BDP1: variants seen among roughly 807,000 people sequenced by gnomAD.
The protein encoded by BDP1 is transcription factor TFIIIB component B'' homolog.
BDP1 carries 169 observed loss-of-function variants against 266.6 expected under a neutral mutation model. The observed-to-expected ratio is 0.63, with a 90% CI of 0.56 to 0.72. The LOEUF is 0.72. Among genes scored for constraint, BDP1 ranks in the 30% least tolerant of loss-of-function variants. BDP1 has a pLI of 0.00. For synonymous variants in BDP1, 1,090 were observed against 1,022.4 expected, an observed-to-expected ratio of 1.07 and a Z score of -1.26; for missense variants, 3,015 against 3,053.8, an observed-to-expected ratio of 0.99 and a Z score of 0.30.
chr5:71,518,342 G>C lies in BDP1; in HGVS notation c.4991+890G>C, dbSNP rs115753709. ...ACTTTGGCTTTCTGGGAAATGCAGA[G>C]GAGATGTTATTGTATCCTTTTTTAA... On this transcript the variant is annotated intron_variant, in intron 22 of 38. Transcript: ENST00000358731. Among the ~76,000 whole-genome samples the C allele has an allele frequency of 2.9e-3, 444 of 152,320 alleles. 3 individuals are homozygous for C. The highest frequency in any genetic ancestry group is 0.01 in the African/African-American group (416 of 41,580).
At position 71,522,367 on chromosome 5, in the gene BDP1, A is replaced by T. The variant is rs1313578129; in HGVS notation, c.5070A>T (p.Gly1690=). ...RKFQKAKPNL[G]RAHSKKEEPV... ...TCCAAAAGGCTAAGCCAAATTTGGG[A>T]AGAGCACACAGTAAGAAAGAGGAAC... The change falls in exon 23 of 39, where the codon GGA becomes GGT. Residue 1690 remains glycine (G), a synonymous_variant. Transcript: ENST00000358731. 6.2e-7 allele frequency: 1 copy of T among 1,613,914 alleles called. No homozygotes were observed. The highest frequency in any genetic ancestry group is 8.5e-7 in the Non-Finnish European group (1 of 1,179,964).
rs760041093 is a variant in BDP1 at position 71,497,434 on chromosome 5, G to A, written c.1956+8G>A. The A allele has an allele frequency of 6.3e-7, 1 of 1,575,644 alleles. No homozygotes were observed. The highest frequency in any genetic ancestry group is 1.2e-5 in the South Asian group (1 of 84,380). On this transcript the variant is annotated splice_region_variant and intron_variant, in intron 13 of 38. Transcript: ENST00000358731. The stretch of plus-strand genomic sequence containing the variant: ...AAAACTTCAGTTGAAAAGGTATGGG[G>A]TAAGAGATTTCATGGAAATTAAAAT...
chr5:71,535,508 A>C (rs1382627027), intron 26 of BDP1, among the ~76,000 whole-genome samples: 1 of 152,116 alleles, frequency 6.6e-6, no homozygotes, highest in Non-Finnish European at 1.5e-5. Flanking sequence ...CCCGGCCTAA[A>C]ATAAAAAAAT....
In BDP1 at chr5:71,544,537, GTT is replaced by G. The variant is rs538730461; in HGVS notation, c.6563+32_6563+33del. Reference sequence around the variant, plus strand: ...AAGAGTGAAGAGGTTCTGAGATTCAGTTTATATTGTTTCAGCTATAGCCTTAA... The same window carrying G: ...AAGAGTGAAGAGGTTCTGAGATTCAGTATATTGTTTCAGCTATAGCCTTAA... On this transcript the variant is annotated intron_variant, in intron 31 of 38. Transcript: ENST00000358731. 311 of 1,593,586 alleles carry G rather than the reference GTT, an allele frequency of 2.0e-4. 1 individual carries two copies. The South Asian group carries it at 2.9e-3, about 15-fold the overall frequency.
chr5:71,504,556 T>C (rs1267701262), intron 15 of BDP1, 65 bp from the exon 16 acceptor site: 1 of 1,414,324 alleles, frequency 7.1e-7, no homozygotes, highest in Non-Finnish European at 9.7e-7. Flanking sequence ...TTGGACATTT[T>C]CAATGAAATC....
chr5:71,460,543 A>G (rs553591630), intron 2 of BDP1, among the ~76,000 whole-genome samples: 8 of 152,302 alleles, frequency 5.3e-5, no homozygotes, highest in Admixed American at 1.3e-4. Context: ...AATTATATCA[A>G]CTATGTGAAG....
At chr5:71,469,740 A>G (rs533614768) in intron 6 of BDP1, among the ~76,000 whole-genome samples, 1 of 140,690 alleles carries the variant, frequency 7.1e-6, no homozygotes, top group Non-Finnish European at 1.5e-5. Context: ...CAGCCTCCCC[A>G]GTAGCTGGGA....
downstream of BDP1, among the ~76,000 whole-genome samples, chr5:71,570,234 T>C (rs1744222954): frequency 6.6e-6 from 1 of 152,194 alleles, no homozygotes; most frequent in Non-Finnish European, 1.5e-5. Context: ...TCAGAGTCAC[T>C]ATCTTAATAA....
chr5:71,530,840 A>G (rs1580157349), intron 25 of BDP1, among the ~76,000 whole-genome samples: 1 of 152,288 alleles, frequency 6.6e-6, no homozygotes, highest in East Asian at 1.9e-4. Context: ...CACTTTGGGA[A>G]GCCAAGGTGG....
At position 71,497,363 on chromosome 5, in the gene BDP1, TC is replaced by T; in HGVS notation, c.1894del (p.Leu632PhefsTer29). 6.2e-7 allele frequency: 1 copy of T among 1,613,762 alleles called. No individual in the cohort carries two copies. The highest frequency in any genetic ancestry group is 1.3e-5 in the African/African-American group (1 of 75,058). ...NLSRAGKKSVLSQGKTESESK... is the reference protein window; with the variant it reads ...NLSRAGKKSVXSQGKTESESK... ...TGTCAAGGGCTGGGAAGAAATCAGT[TC>T]TTTCACAAGGCAAAACAGAGTCAGA... On this transcript the variant is annotated frameshift_variant, in exon 13 of 39. Coordinates refer to ENST00000358731, the MANE Select transcript of BDP1 (RefSeq NM_018429.3). LOFTEE classifies it high-confidence loss of function.
In BDP1 at chr5:71,500,691, A is replaced by G. The variant is rs377698420; in HGVS notation, c.1957-871A>G. Among the ~76,000 whole-genome samples the G allele has an allele frequency of 2.0e-5, 3 of 151,996 alleles. No homozygotes were observed. The East Asian group carries it at 5.8e-4, about 29-fold the overall frequency. On this transcript the variant is annotated intron_variant, in intron 13 of 38. Transcript: ENST00000358731. Reference sequence around the variant, plus strand: ...CCAATCTTTTCACATATCTCCTTACAGATTTTCTTTTACACAACTGAATCA... The same window carrying G: ...CCAATCTTTTCACATATCTCCTTACGGATTTTCTTTTACACAACTGAATCA...
At chr5:71,483,465 T>G (rs1718173623) in intron 7 of BDP1, among the ~76,000 whole-genome samples, 1 of 152,242 alleles carries the variant, frequency 6.6e-6, no homozygotes, top group Non-Finnish European at 1.5e-5. Context: ...CCATGCTACT[T>G]GAAATATATT....
At position 71,477,116 on chromosome 5, in the gene BDP1, G is replaced by A. The variant is rs185244991; in HGVS notation, c.1014+6627G>A. Among the ~76,000 whole-genome samples, 13 of 151,820 alleles carry A rather than the reference G, an allele frequency of 8.6e-5. No individual in the cohort carries two copies. The East Asian group carries it at 2.5e-3, about 29-fold the overall frequency. On this transcript the variant is annotated intron_variant, in intron 7 of 38. Transcript: ENST00000358731. ...CCTACCTCAGCCTCCCAAAGTGCGG[G>A]GATTATAGGCATGAGCCACCGAGCC...
At position 71,512,232 on chromosome 5, in the gene BDP1, T is replaced by C. The variant is rs749272500; in HGVS notation, c.4060-9T>C. The C allele has an allele frequency of 7.1e-7, 1 of 1,401,696 alleles. No individual in the cohort carries two copies. The highest frequency in any genetic ancestry group is 2.7e-5 in the Admixed American group (1 of 37,234). 86.8% of individuals were successfully genotyped at this position (1,401,696 alleles called of 1,614,324 possible). A position where few individuals can be genotyped will look rare whatever the true frequency, so the allele number is the denominator to read the frequency against. ...TATTTGTGCTGATTTACTATGACTGTTCCTCTAGAACATTAGCAGTGAAGT... is the reference window on the plus strand; with the variant it reads ...TATTTGTGCTGATTTACTATGACTGCTCCTCTAGAACATTAGCAGTGAAGT... On this transcript the variant is annotated splice_polypyrimidine_tract_variant and intron_variant, in intron 17 of 38. Transcript: ENST00000358731.
At chr5:71,500,674 T>C (rs1191769446) in intron 13 of BDP1, among the ~76,000 whole-genome samples, 1 of 152,170 alleles carries the variant, frequency 6.6e-6, no homozygotes, top group African/African-American at 2.4e-5. Flanking sequence ...AACCAATCTT[T>C]TCACATATCT....
chr5:71,520,978 C>T (rs1394135595), intron 22 of BDP1, among the ~76,000 whole-genome samples: 8 of 151,868 alleles, frequency 5.3e-5, no homozygotes, highest in Admixed American at 3.9e-4. Context: ...CACCTGAGTT[C>T]GGGAGTTTGA....
rs1744001385 is a variant in BDP1, at chr5:71,565,901, A to G, written c.*1016A>G. 1 of 155,568 alleles carries G rather than the reference A, an allele frequency of 6.4e-6. No homozygotes were observed. The highest frequency in any genetic ancestry group is 1.4e-5 in the Non-Finnish European group (1 of 69,992). 9.6% of individuals were successfully genotyped at this position (155,568 alleles called of 1,614,324 possible). A position where few individuals can be genotyped will look rare whatever the true frequency, so the allele number is the denominator to read the frequency against. ...ACATAATTATTTATAAAGATGACAC[A>G]TCAAAGGGCTTATTTATTTTTAAAT... On this transcript the variant is annotated 3_prime_UTR_variant, in exon 39 of 39. Coordinates refer to ENST00000358731, the MANE Select transcript of BDP1 (RefSeq NM_018429.3).
chr5:71,455,877 C>G lies in BDP1; in HGVS notation c.-1C>G. ...GCCTCCCCGGGCCCCCTGCCTCCGC[C>G]ATGTTCCGCAGGGCACGCCTTAGCG... is the stretch of plus-strand genomic sequence containing the variant. On this transcript the variant is annotated 5_prime_UTR_variant, in exon 1 of 39. Transcript: ENST00000358731. 1 of 1,577,504 alleles carries G rather than the reference C, an allele frequency of 6.3e-7. No individual in the cohort carries two copies. The highest frequency in any genetic ancestry group is 1.7e-4 in the Middle Eastern group (1 of 5,868).
intron 2 of BDP1, among the ~76,000 whole-genome samples, chr5:71,461,442 CAA>C (rs75086006): frequency 2.3e-5 from 3 of 128,874 alleles, no homozygotes; most frequent in Non-Finnish European, 1.7e-5. Flanking sequence ...CCATCTCTAC[CAA>C]AAAAAAAAAA....
Sources: gnomAD v4.1 joint callset for allele counts (sites outside exome capture counted in the v4.1 genomes callset) on GRCh38, gnomAD v4.1.1 for gene constraint, MANE v1.5 for transcripts, NCBI Gene and HGNC (gene_info 2026-07-23, HGNC 2026-07-21) for gene names.